Variants in GALNT16 observed in about 807,000 individuals in gnomAD.
GALNT16 encodes UDP-GalNAc:polypeptide N-acetylgalactosaminyltransferase-like protein 1.
A neutral mutation model predicts 76.1 loss-of-function variants in GALNT16; 40 were observed. The ratio of observed to expected loss-of-function variants is 0.53; its 90% CI spans 0.41 to 0.68. The LOEUF is 0.68. Ranked by LOEUF, GALNT16 falls within the 30% of genes least tolerant of loss-of-function variation. GALNT16 has a pLI of 0.00. For synonymous variants in GALNT16, 276 were observed against 285.2 expected (o/e 0.97, Z 0.32); for missense variants, 621 against 731.9 (o/e 0.85, Z 1.75).
chr14:69,292,926 T>C (rs750842443), intron 1 of GALNT16, among the ~76,000 whole-genome samples: 3 of 152,264 alleles, frequency 2.0e-5, no homozygotes, highest in Non-Finnish European at 4.4e-5. Context: ...CTACACTTCC[T>C]TAATGAACTG....
intron 6 of GALNT16, among the ~76,000 whole-genome samples, chr14:69,330,390 G>A (rs549424570): frequency 2.0e-5 from 3 of 152,330 alleles, no homozygotes; most frequent in African/African-American, 7.2e-5. Context: ...GAAACAGAAA[G>A]TAGATTGGGT....
chr14:69,378,356 G>A, the GALNT16 span, among the ~76,000 whole-genome samples: 1 of 152,100 alleles, frequency 6.6e-6, no homozygotes, highest in Non-Finnish European at 1.5e-5. Context: ...TGTCTGGGAG[G>A]TTTCACCTTT....
chr14:69,364,358 A>G, the GALNT16 span, among the ~76,000 whole-genome samples: 1 of 152,238 alleles, frequency 6.6e-6, no homozygotes, highest in African/African-American at 2.4e-5. The surrounding 1 kb of genome is among the most constrained non-coding windows in gnomAD (Gnocchi z 4.2). Context: ...GTGCTTGATT[A>G]AACAGACAAT....
the GALNT16 span, among the ~76,000 whole-genome samples, chr14:69,382,046 AGGTAATGCTGGACT>A: frequency 6.6e-6 from 1 of 152,220 alleles, no homozygotes; most frequent in Non-Finnish European, 1.5e-5. Flanking sequence ...GTTATTAGCT[AGGTAATGCTGGACT>A]GGAGATAGAT....
downstream of GALNT16, among the ~76,000 whole-genome samples, chr14:69,361,654 G>A (rs1324963180): frequency 1.3e-5 from 2 of 152,122 alleles, no homozygotes; most frequent in African/African-American, 2.4e-5. Flanking sequence ...ATGAGCCAAC[G>A]TTGGTTCCAC....
rs551611066 is a variant in GALNT16, at chr14:69,283,783, T to TC, written c.177+23318dup. 1.3e-3 allele frequency among the ~76,000 whole-genome samples: 192 copies of TC among 152,304 alleles called. 1 individual carries two copies. The highest frequency in any genetic ancestry group is 1.4e-3 in the Non-Finnish European group (92 of 68,020). On this transcript the variant is annotated intron_variant, in intron 1 of 14. Coordinates refer to ENST00000448469, the MANE Select transcript of GALNT16 (RefSeq NM_001168368.2). The stretch of plus-strand genomic sequence containing the variant: ...GCCCAACACTTAGTAAGTGCTGCAT[T>TC]CCTTTTGTTTGTATTACTGTCCCTC...
At chr14:69,331,887 G>T (rs1488779868) in intron 7 of GALNT16, among the ~76,000 whole-genome samples, 1 of 152,224 alleles carries the variant, frequency 6.6e-6, no homozygotes, top group Non-Finnish European at 1.5e-5. Flanking sequence ...GCCATGATGT[G>T]ACAGCTGTCT....
the GALNT16 span, among the ~76,000 whole-genome samples, chr14:69,376,468 A>C: frequency 2.0e-5 from 3 of 152,074 alleles, no homozygotes; most frequent in Non-Finnish European, 2.9e-5. Context: ...CATTTAACAC[A>C]AACTCTTTCA....
At chr14:69,264,728 A>G (rs2044317420) in intron 1 of GALNT16, among the ~76,000 whole-genome samples, 2 of 152,068 alleles carry the variant, frequency 1.3e-5, no homozygotes, top group South Asian at 4.2e-4. Context: ...AGGAGGAAGA[A>G]GCACAAACAC....
chr14:69,263,491 G>T (rs944916645), intron 1 of GALNT16, among the ~76,000 whole-genome samples: 2 of 152,236 alleles, frequency 1.3e-5, no homozygotes, highest in African/African-American at 4.8e-5. Context: ...GAATGATGTG[G>T]CTAGCCCTGC....
chr14:69,369,438 C>A, the GALNT16 span, among the ~76,000 whole-genome samples: 3 of 152,146 alleles, frequency 2.0e-5, no homozygotes, highest in African/African-American at 7.2e-5. Flanking sequence ...AGACCTCAGC[C>A]GTGAAAGGTT....
the GALNT16 span, among the ~76,000 whole-genome samples, chr14:69,371,922 C>T: frequency 3.3e-5 from 5 of 151,562 alleles, no homozygotes; most frequent in Non-Finnish European, 4.4e-5. Flanking sequence ...CCAGCCTGGG[C>T]GACAGAGCAA....
chr14:69,311,006 G>A (rs2045012035), intron 1 of GALNT16, among the ~76,000 whole-genome samples: 1 of 152,234 alleles, frequency 6.6e-6, no homozygotes, highest in South Asian at 2.1e-4. Flanking sequence ...GGCTACAGGG[G>A]TAGAGGCAGT....
chr14:69,285,769 C>G (rs955241678), intron 1 of GALNT16, among the ~76,000 whole-genome samples: 3 of 152,326 alleles, frequency 2.0e-5, no homozygotes, highest in African/African-American at 7.2e-5. Context: ...CCCTCTCCAT[C>G]TGTCCCTCAG....
chr14:69,322,967 T>C (rs2045216410), intron 2 of GALNT16, among the ~76,000 whole-genome samples: 1 of 68,448 alleles, frequency 1.5e-5, no homozygotes, highest in Non-Finnish European at 2.3e-5. Flanking sequence ...TGTGTGTGTG[T>C]GTGTGTGTGT....
intron 1 of GALNT16, among the ~76,000 whole-genome samples, chr14:69,290,727 A>G (rs965565634): frequency 1.3e-5 from 2 of 152,200 alleles, no homozygotes; most frequent in African/African-American, 4.8e-5. Context: ...TCTCAGTCCA[A>G]ATGGTAATGG....
intron 10 of GALNT16, among the ~76,000 whole-genome samples, chr14:69,339,288 C>G (rs1318858457): frequency 2.6e-5 from 4 of 152,100 alleles, no homozygotes; most frequent in African/African-American, 7.2e-5. Context: ...TTGTCGAGCT[C>G]ATGCTTATTC....
In GALNT16 at chr14:69,302,008, T is replaced by A. The variant is rs575432203; in HGVS notation, c.178-18703T>A. ...ACAAACACACACACAGAAAACAGAATCTCAAGAGGGATTCTTAACAAGAAG... is the reference window on the plus strand; with the variant it reads ...ACAAACACACACACAGAAAACAGAAACTCAAGAGGGATTCTTAACAAGAAG... On this transcript the variant is annotated intron_variant, in intron 1 of 14. Coordinates refer to ENST00000448469, the MANE Select transcript of GALNT16 (RefSeq NM_001168368.2). 1.9e-4 allele frequency among the ~76,000 whole-genome samples: 29 copies of A among 152,062 alleles called. No individual in the cohort carries two copies. In the East Asian group the frequency reaches 5.4e-3, roughly 28 times the overall value.
the GALNT16 span, chr14:69,380,533 C>T: frequency 9.0e-7 from 1 of 1,113,228 alleles, no homozygotes; most frequent in Non-Finnish European, 1.3e-6. Context: ...GTGCTTCCAA[C>T]ACAATTATTT....
Sources: allele counts gnomAD v4.1 joint callset (sites outside exome capture counted in the v4.1 genomes callset), GRCh38; gene constraint gnomAD v4.1.1; non-coding constraint Gnocchi (gnomAD v3.1); transcripts MANE v1.5; gene names NCBI Gene and HGNC (gene_info 2026-07-23, HGNC 2026-07-21).